The following NTF3 variants were observed in gnomAD, a reference collection of about 807,000 sequenced individuals.
NTF3 encodes neurotrophin-3.
Under a neutral mutation model 26.3 loss-of-function variants are expected in NTF3, and 8 were observed. That is an observed-to-expected ratio of 0.30 (90% CI 0.18 to 0.55). The LOEUF is 0.55. Among genes scored for constraint, NTF3 ranks in the 20% least tolerant of loss-of-function variants. NTF3 has a pLI of 0.93. For missense variants in NTF3, 276 were observed against 352.9 expected, an observed-to-expected ratio of 0.78 and a Z score of 1.75; for synonymous variants, 154 against 145.5, an observed-to-expected ratio of 1.06 and a Z score of -0.42.
intron 1 of NTF3, among the ~76,000 whole-genome samples, chr12:5,491,475 G>T (rs1441630932): frequency 6.6e-6 from 1 of 152,180 alleles, no homozygotes; most frequent in Non-Finnish European, 1.5e-5. Context: ...CAAGGAAGTG[G>T]CAGGTGCTAT....
intron 1 of NTF3, among the ~76,000 whole-genome samples, chr12:5,452,096 C>CT (rs56032205): frequency 1.6e-4 from 20 of 127,012 alleles, no homozygotes; most frequent in African/African-American, 5.3e-4. Context: ...TTTTTCTTTT[C>CT]TTTTTTTTTT....
chr12:5,472,336 C>A (rs1312377629), intron 1 of NTF3, among the ~76,000 whole-genome samples: 1 of 152,152 alleles, frequency 6.6e-6, no homozygotes, highest in African/African-American at 2.4e-5. Flanking sequence ...CTAGCTCTGT[C>A]ACCTACTGGC....
upstream of NTF3, among the ~76,000 whole-genome samples, chr12:5,431,795 G>C (rs923906581): frequency 6.6e-6 from 1 of 152,114 alleles, no homozygotes; most frequent in Non-Finnish European, 1.5e-5. Flanking sequence ...TACATTTAAC[G>C]TTTCGTTTTT....
intron 1 of NTF3, among the ~76,000 whole-genome samples, chr12:5,479,127 A>G (rs987665806): frequency 3.9e-5 from 6 of 152,232 alleles, no homozygotes; most frequent in Admixed American, 3.9e-4. Flanking sequence ...TGTTTTAGAT[A>G]CAATTTTGCC....
rs751447618 is a variant in NTF3 at position 5,456,819 on chromosome 12, G to A, written c.18+24477G>A. 6.6e-6 allele frequency among the ~76,000 whole-genome samples: 1 copy of A among 152,226 alleles called. No homozygotes were observed. The highest frequency in any genetic ancestry group is 6.5e-5 in the Admixed American group (1 of 15,294). On this transcript the variant is annotated intron_variant, in intron 1 of 1. Transcript: ENST00000423158. The surrounding 1 kb of genome is among the most constrained non-coding windows in gnomAD (Gnocchi z 4.4). ...AGACAGGGAAGCAGAGCAAGCTCCC[G>A]TAGGTCAAGTGATTTGGGCCCGAGT...
At chr12:5,461,977 A>G (rs1475694381) in intron 1 of NTF3, among the ~76,000 whole-genome samples, 4 of 152,238 alleles carry the variant, frequency 2.6e-5, no homozygotes, top group African/African-American at 9.6e-5. Context: ...GGGAAATTTT[A>G]AAAGAATGTG....
At chr12:5,461,528 C>T (rs1168933520) in intron 1 of NTF3, among the ~76,000 whole-genome samples, 2 of 152,124 alleles carry the variant, frequency 1.3e-5, no homozygotes, top group African/African-American at 4.8e-5. Context: ...CTGCCTAAAC[C>T]CTGAAAGCAA....
chr12:5,464,929 G>A (rs993758105), intron 1 of NTF3, among the ~76,000 whole-genome samples: 1 of 152,138 alleles, frequency 6.6e-6, no homozygotes, highest in African/African-American at 2.4e-5. Context: ...CATTAGGAAG[G>A]CAAGTCATTC....
intron 1 of NTF3, among the ~76,000 whole-genome samples, chr12:5,469,007 G>C (rs761716240): frequency 9.2e-5 from 14 of 152,108 alleles, no homozygotes; most frequent in Admixed American, 5.9e-4. Flanking sequence ...TATAGTCCCA[G>C]CTACTGGGGA....
chr12:5,431,507 G>A (rs1356925644), upstream of NTF3, among the ~76,000 whole-genome samples: 1 of 152,010 alleles, frequency 6.6e-6, no homozygotes, highest in African/African-American at 2.4e-5. Flanking sequence ...CGGGGAGTTC[G>A]CCGGGGAGCG....
chr12:5,453,162 A>G (rs1439158192), intron 1 of NTF3, among the ~76,000 whole-genome samples: 1 of 152,268 alleles, frequency 6.6e-6, no homozygotes, highest in Non-Finnish European at 1.5e-5. Context: ...CATTTAATAC[A>G]TGGTGTATTA....
In NTF3 at chr12:5,456,071, A is replaced by G. The variant is rs1390696280; in HGVS notation, c.18+23729A>G. On this transcript the variant is annotated intron_variant, in intron 1 of 1. Coordinates refer to ENST00000423158, the MANE Select transcript of NTF3 (RefSeq NM_001102654.2). This position sits in a 1 kb window ranked among gnomAD's most constrained non-coding sequence, Gnocchi z 4.4. Reference sequence around the variant, plus strand: ...TTATCTGTGACTTCTTCCTCCAAGCATGTCCGGACCTCCAGTCAATGGTGG... The same window carrying G: ...TTATCTGTGACTTCTTCCTCCAAGCGTGTCCGGACCTCCAGTCAATGGTGG... Among the ~76,000 whole-genome samples, 2 of 152,190 alleles carry G rather than the reference A, an allele frequency of 1.3e-5. No homozygotes were observed. Among genetic ancestry groups the G allele is most frequent in the Non-Finnish European group, 2.9e-5 (2 of 68,042 alleles).
At chr12:5,491,174 G>A (rs1040423228) in intron 1 of NTF3, among the ~76,000 whole-genome samples, 4 of 152,274 alleles carry the variant, frequency 2.6e-5, no homozygotes, top group South Asian at 2.1e-4. Flanking sequence ...GCAGGCCTCC[G>A]TTCCCTTATA....
chr12:5,494,381 A>C lies in NTF3; in HGVS notation c.206A>C (p.Lys69Thr). The C allele has an allele frequency of 6.2e-7, 1 of 1,614,072 alleles. No homozygotes were observed. Among genetic ancestry groups the C allele is most frequent in the Non-Finnish European group, 8.5e-7 (1 of 1,180,024 alleles). The change falls in exon 2 of 2, where the codon AAG becomes ACG. Residue 69 changes from lysine to threonine, a missense_variant. Lys to Thr is a moderately conservative substitution (Grantham distance 78, BLOSUM62 -1). Transcript: ENST00000423158. The surrounding 1 kb of genome is among the most constrained non-coding windows in gnomAD (Gnocchi z 8.3). ...CTCTCCAAGCAGATGGTGGACGTTAAGGAAAATTACCAGAGCACCCTGCCC... is the reference window on the plus strand; with the variant it reads ...CTCTCCAAGCAGATGGTGGACGTTACGGAAAATTACCAGAGCACCCTGCCC... The part of the protein sequence containing the change: ...NKLSKQMVDV[K>T]ENYQSTLPKA...
chr12:5,469,796 G>GT (rs1565392222), intron 1 of NTF3, among the ~76,000 whole-genome samples: 2 of 152,036 alleles, frequency 1.3e-5, no homozygotes, highest in Non-Finnish European at 2.9e-5. Flanking sequence ...GGCATCCACT[G>GT]TTTTTTTAGT....
At position 5,494,313 on chromosome 12, in the gene NTF3, C is replaced by T. The variant is rs774180898; in HGVS notation, c.138C>T (p.Ser46=). ...GTTTGCCAGAAGACTCGCTCAATTC[C>T]CTCATTATTAAGCTGATCCAGGCAG... The part of the protein sequence containing the change: ...QRSLPEDSLN[S]LIIKLIQADI... The change falls in exon 2 of 2, where the codon TCC becomes TCT. Residue 46 remains serine, a synonymous_variant. Coordinates refer to ENST00000423158, the MANE Select transcript of NTF3 (RefSeq NM_001102654.2). This position sits in a 1 kb window ranked among gnomAD's most constrained non-coding sequence, Gnocchi z 8.3. 3 of 1,614,102 alleles carry T rather than the reference C, an allele frequency of 1.9e-6. No individual in the cohort carries two copies. Among genetic ancestry groups the T allele is most frequent in the Middle Eastern group, 1.6e-4 (1 of 6,062 alleles).
chr12:5,444,126 T>G (rs1009609856), intron 1 of NTF3, among the ~76,000 whole-genome samples: 2 of 152,220 alleles, frequency 1.3e-5, no homozygotes, highest in African/African-American at 4.8e-5. Context: ...TTACTGTCTG[T>G]CTACAGCAAG....
At chr12:5,472,297 A>G (rs1205706082) in intron 1 of NTF3, among the ~76,000 whole-genome samples, 2 of 152,156 alleles carry the variant, frequency 1.3e-5, no homozygotes, top group East Asian at 3.9e-4. Context: ...GGGAAACAGA[A>G]CAGAAATCAT....
At chr12:5,431,729 T>C (rs1277529620), upstream of NTF3, among the ~76,000 whole-genome samples, 1 of 151,970 alleles carries the variant, frequency 6.6e-6, no homozygotes, top group Non-Finnish European at 1.5e-5. Context: ...AAGAAAAATT[T>C]CAAGAAAAAG....
Sources: gnomAD v4.1 joint callset for allele counts (sites outside exome capture counted in the v4.1 genomes callset) on GRCh38, gnomAD v4.1.1 for gene constraint, Gnocchi (gnomAD v3.1) non-coding constraint, MANE v1.5 for transcripts, NCBI Gene and HGNC (gene_info 2026-07-23, HGNC 2026-07-21) for gene names.